The following CTNNA3 variants were observed in gnomAD, a reference collection of about 807,000 sequenced individuals.
The protein encoded by CTNNA3 is catenin alpha 3.
In CTNNA3, 76 loss-of-function variants were observed where a neutral mutation model predicts 95.7. The ratio of observed to expected loss-of-function variants is 0.79; its 90% confidence interval spans 0.66 to 0.96. CTNNA3 has a LOEUF of 0.96. Among genes scored for constraint, CTNNA3 ranks in the 40% least tolerant of loss-of-function variants. CTNNA3 has a pLI of 0.00. For synonymous variants in CTNNA3, 431 were observed against 374.4 expected, an observed-to-expected ratio of 1.15 and a Z score of -1.74; for missense variants, 1,191 against 1,089.8, an observed-to-expected ratio of 1.09 and a Z score of -1.31.
At chr10:67,063,294 G>T (rs751359779) in intron 7 of CTNNA3, among the ~76,000 whole-genome samples, 1 of 152,144 alleles carries the variant, frequency 6.6e-6, no homozygotes, top group Non-Finnish European at 1.5e-5. Flanking sequence ...GTTCACATTT[G>T]TTGCATTAAA....
chr10:65,993,680 T>C (rs2078590149), intron 15 of CTNNA3, among the ~76,000 whole-genome samples: 1 of 152,180 alleles, frequency 6.6e-6, no homozygotes, highest in Non-Finnish European at 1.5e-5. Context: ...AGTTGGGTCA[T>C]GTGGTCCTTG....
At chr10:66,384,823 A>C (rs1213417791) in intron 11 of CTNNA3, among the ~76,000 whole-genome samples, 1 of 152,148 alleles carries the variant, frequency 6.6e-6, no homozygotes, top group Non-Finnish European at 1.5e-5. Context: ...AAAATGAACA[A>C]CCTGCTCCTG....
chr10:66,692,275 G>A (rs1847577462), intron 9 of CTNNA3, among the ~76,000 whole-genome samples: 1 of 152,216 alleles, frequency 6.6e-6, no homozygotes, highest in South Asian at 2.1e-4. Flanking sequence ...TAAAGGAGCT[G>A]ATGGAGCTGA....
At chr10:67,443,576 T>C (rs1433940514) in intron 5 of CTNNA3, among the ~76,000 whole-genome samples, 1 of 152,258 alleles carries the variant, frequency 6.6e-6, no homozygotes, top group Non-Finnish European at 1.5e-5. Context: ...ATGCGTCTTT[T>C]GATTGCATAA....
At chr10:67,485,976 A>C (rs542368157) in intron 5 of CTNNA3, among the ~76,000 whole-genome samples, 1 of 152,218 alleles carries the variant, frequency 6.6e-6, no homozygotes, top group Non-Finnish European at 1.5e-5. Context: ...ATCTTCTGCT[A>C]TTTAAAAATT....
At chr10:66,992,240 T>C (rs1281429145) in intron 7 of CTNNA3, among the ~76,000 whole-genome samples, 1 of 152,210 alleles carries the variant, frequency 6.6e-6, no homozygotes, top group Non-Finnish European at 1.5e-5. Flanking sequence ...TTATTATTGA[T>C]TTAATTTTTA....
chr10:67,050,804 T>G (rs1426455947), intron 7 of CTNNA3, among the ~76,000 whole-genome samples: 1 of 152,262 alleles, frequency 6.6e-6, no homozygotes, highest in Non-Finnish European at 1.5e-5. Context: ...GATGTTGATT[T>G]TTATTCAATG....
At chr10:66,026,837 C>A (rs1321337608) in intron 15 of CTNNA3, among the ~76,000 whole-genome samples, 1 of 152,042 alleles carries the variant, frequency 6.6e-6, no homozygotes, top group African/African-American at 2.4e-5. Flanking sequence ...TGGTTGAGCT[C>A]TAATATAATC....
chr10:67,060,908 C>T (rs1474518576), intron 7 of CTNNA3, among the ~76,000 whole-genome samples: 1 of 152,090 alleles, frequency 6.6e-6, no homozygotes, highest in African/African-American at 2.4e-5. Flanking sequence ...GACAGTGCAG[C>T]ATAGACTAGC....
intron 7 of CTNNA3, among the ~76,000 whole-genome samples, chr10:67,067,391 G>T (rs374076401): frequency 6.6e-6 from 1 of 152,056 alleles, no homozygotes; most frequent in East Asian, 1.9e-4. Context: ...TGATTTGCTC[G>T]TATTCACTTT....
intron 5 of CTNNA3, among the ~76,000 whole-genome samples, chr10:67,421,904 G>T (rs979233815): frequency 2.6e-5 from 4 of 152,066 alleles, no homozygotes; most frequent in African/African-American, 9.7e-5. Flanking sequence ...TAGAAATATA[G>T]ATGTATGTAT....
chr10:66,464,417 A>T (rs941837604), intron 11 of CTNNA3, among the ~76,000 whole-genome samples: 2 of 152,030 alleles, frequency 1.3e-5, no homozygotes, highest in Non-Finnish European at 2.9e-5. Flanking sequence ...TTCCTCCTCC[A>T]CAGGGAGCAA....
intron 9 of CTNNA3, among the ~76,000 whole-genome samples, chr10:66,720,253 G>A (rs1268577371): frequency 6.6e-6 from 1 of 152,108 alleles, no homozygotes; most frequent in East Asian, 1.9e-4. Flanking sequence ...AAGGTAAGAA[G>A]GTGAAGGCAG....
chr10:66,559,518 T>G (rs1227653945), intron 10 of CTNNA3, among the ~76,000 whole-genome samples: 3 of 151,952 alleles, frequency 2.0e-5, no homozygotes, highest in Non-Finnish European at 4.4e-5. Context: ...CTGCTAAACA[T>G]CCTACAATAC....
chr10:67,743,927 T>TA (rs1383755323), intron 1 of CTNNA3, among the ~76,000 whole-genome samples: 1 of 151,086 alleles, frequency 6.6e-6, no homozygotes, highest in African/African-American at 2.4e-5. Flanking sequence ...ATAAAATACC[T>TA]AGGAATCCAA....
chr10:66,121,669 G>A (rs2082581561), intron 13 of CTNNA3, among the ~76,000 whole-genome samples: 1 of 152,108 alleles, frequency 6.6e-6, no homozygotes, highest in Admixed American at 6.6e-5. Context: ...GGGCAACATG[G>A]TGAAACCCCT....
intron 5 of CTNNA3, among the ~76,000 whole-genome samples, chr10:67,270,875 T>C (rs1589111944): frequency 6.6e-6 from 1 of 152,292 alleles, no homozygotes; most frequent in African/African-American, 2.4e-5. Flanking sequence ...CACATGGTAA[T>C]TACTGTGATC....
At chr10:66,867,619 A>G (rs1844230418) in intron 7 of CTNNA3, among the ~76,000 whole-genome samples, 1 of 152,152 alleles carries the variant, frequency 6.6e-6, no homozygotes, top group South Asian at 2.1e-4. Flanking sequence ...TCTGAGGTAG[A>G]TTGCTCTTCT....
At chr10:67,465,299 C>A (rs536543447) in intron 5 of CTNNA3, among the ~76,000 whole-genome samples, 9 of 152,006 alleles carry the variant, frequency 5.9e-5, no homozygotes, top group Non-Finnish European at 1.2e-4. Flanking sequence ...CAGCCTTAAT[C>A]GCCCAACTCA....
Sources: allele counts gnomAD v4.1 joint callset (sites outside exome capture counted in the v4.1 genomes callset), GRCh38; gene constraint gnomAD v4.1.1; transcripts MANE v1.5; gene names NCBI Gene and HGNC (gene_info 2026-07-23, HGNC 2026-07-21).